UNC5C: variants seen among roughly 807,000 people sequenced by gnomAD.
UNC5C encodes netrin receptor UNC5C.
UNC5C carries 47 observed loss-of-function variants against 99.8 expected under a neutral mutation model. The observed-to-expected ratio is 0.47, with a 90% CI of 0.37 to 0.60. UNC5C has a LOEUF of 0.60. Among genes scored for constraint, UNC5C ranks in the 20% least tolerant of loss-of-function variants. The probability of loss-of-function intolerance (pLI) is 0.00; values close to 1 mark genes in which losing one functional copy is unlikely to be tolerated. For synonymous variants in UNC5C, 487 were observed against 452.2 expected (o/e 1.08, Z -0.98); for missense variants, 1,062 against 1,165.9 (o/e 0.91, Z 1.30).
At chr4:95,309,651 T>C (rs529063549) in intron 2 of UNC5C, among the ~76,000 whole-genome samples, 1 of 152,144 alleles carries the variant, frequency 6.6e-6, no homozygotes, top group Non-Finnish European at 1.5e-5. Context: ...AAAGAAGACA[T>C]ACAAATGGCC....
intron 1 of UNC5C, among the ~76,000 whole-genome samples, chr4:95,341,038 T>C (rs1743552954): frequency 1.3e-5 from 2 of 152,152 alleles, no homozygotes; most frequent in Admixed American, 1.3e-4. Context: ...TGCAATTGCA[T>C]ATATGGCTGG....
intron 1 of UNC5C, among the ~76,000 whole-genome samples, chr4:95,482,129 C>T (rs1397275502): frequency 3.9e-5 from 6 of 151,936 alleles, no homozygotes; most frequent in Non-Finnish European, 7.4e-5. Flanking sequence ...GGCTAATATC[C>T]AGAATCTACA....
At chr4:95,289,017 T>C (rs1036238669) in intron 3 of UNC5C, among the ~76,000 whole-genome samples, 1 of 152,224 alleles carries the variant, frequency 6.6e-6, no homozygotes, top group African/African-American at 2.4e-5. Context: ...TGCCATAGTT[T>C]AATCCTAGTT....
At chr4:95,332,215 A>C (rs973575677) in intron 2 of UNC5C, among the ~76,000 whole-genome samples, 5 of 152,022 alleles carry the variant, frequency 3.3e-5, no homozygotes, top group African/African-American at 1.2e-4. Context: ...AATTGGAAAA[A>C]ACTACTTTAA....
At chr4:95,375,799 C>G (rs564050570) in intron 1 of UNC5C, among the ~76,000 whole-genome samples, 2 of 152,054 alleles carry the variant, frequency 1.3e-5, no homozygotes, top group African/African-American at 4.8e-5. Context: ...CAGAATAGGC[C>G]GGGCGTGGTG....
intron 1 of UNC5C, among the ~76,000 whole-genome samples, chr4:95,406,201 A>T (rs1243144260): frequency 6.6e-6 from 1 of 152,118 alleles, no homozygotes; most frequent in East Asian, 1.9e-4. Flanking sequence ...CAATACCATG[A>T]CTTCTCACTT....
At chr4:95,188,251 C>G (rs1401942122) in intron 12 of UNC5C, among the ~76,000 whole-genome samples, 1 of 152,098 alleles carries the variant, frequency 6.6e-6, no homozygotes, top group Non-Finnish European at 1.5e-5. Context: ...ATTCAGTAAC[C>G]TTACCACACT....
chr4:95,498,435 T>A (rs1188906320), intron 1 of UNC5C, among the ~76,000 whole-genome samples: 2 of 152,112 alleles, frequency 1.3e-5, no homozygotes, highest in South Asian at 2.1e-4. Flanking sequence ...CTTTGACTAG[T>A]TGAAAAGTGT....
intron 1 of UNC5C, among the ~76,000 whole-genome samples, chr4:95,388,858 A>G (rs775311519): frequency 7.9e-5 from 12 of 152,188 alleles, no homozygotes; most frequent in Non-Finnish European, 1.8e-4. Flanking sequence ...TTTCTTTGCT[A>G]TACTGTCTCT....
At chr4:95,223,632 T>C (rs1332462666) in intron 7 of UNC5C, among the ~76,000 whole-genome samples, 1 of 152,220 alleles carries the variant, frequency 6.6e-6, no homozygotes, top group Non-Finnish European at 1.5e-5. Flanking sequence ...TGCAACCTCC[T>C]ACTCAGTTTT....
At chr4:95,318,785 A>T (rs1308237308) in intron 2 of UNC5C, among the ~76,000 whole-genome samples, 1 of 152,200 alleles carries the variant, frequency 6.6e-6, no homozygotes, top group Admixed American at 6.5e-5. Context: ...CTTCCCTCAG[A>T]AGGCTGCTAT....
intron 1 of UNC5C, among the ~76,000 whole-genome samples, chr4:95,529,196 T>G (rs931078435): frequency 6.6e-6 from 1 of 151,224 alleles, no homozygotes; most frequent in African/African-American, 2.4e-5. Context: ...AGAATTGGAT[T>G]CATCTCAGCT....
At chr4:95,368,300 A>AAAAG (rs1270477187) in intron 1 of UNC5C, among the ~76,000 whole-genome samples, 1 of 151,842 alleles carries the variant, frequency 6.6e-6, no homozygotes, top group Non-Finnish European at 1.5e-5. Context: ...CTTTTTTGAA[A>AAAAG]AAAAAAAAAA....
intron 1 of UNC5C, among the ~76,000 whole-genome samples, chr4:95,464,428 T>C (rs2149472172): frequency 6.6e-6 from 1 of 152,310 alleles, no homozygotes; most frequent in Middle Eastern, 3.4e-3. Context: ...TAGAGAAGTT[T>C]CCAAGCTTTA....
At chr4:95,468,682 C>T (rs80317948) in intron 1 of UNC5C, among the ~76,000 whole-genome samples, 2,262 of 152,202 alleles carry the variant, frequency 0.015, 46 homozygotes, top group African/African-American at 0.052. Context: ...TCTTCCATAT[C>T]ATTGACAATC....
At chr4:95,369,066 T>G (rs1362528048) in intron 1 of UNC5C, among the ~76,000 whole-genome samples, 1 of 151,846 alleles carries the variant, frequency 6.6e-6, no homozygotes, top group Non-Finnish European at 1.5e-5. Flanking sequence ...ACTATGTTGA[T>G]CAAACTGGTC....
chr4:95,189,084 T>A (rs749512105), intron 12 of UNC5C, among the ~76,000 whole-genome samples: 1 of 152,228 alleles, frequency 6.6e-6, no homozygotes, highest in Non-Finnish European at 1.5e-5. Flanking sequence ...AGAAATGCTA[T>A]AGTAAGGATG....
chr4:95,480,810 C>A (rs11934567), intron 1 of UNC5C, among the ~76,000 whole-genome samples: 3,335 of 151,952 alleles, frequency 0.022, 131 homozygotes, highest in African/African-American at 0.075. Flanking sequence ...ATTCAACAAC[C>A]ATTCATGCTA....
chr4:95,308,730 T>C (rs963181348), intron 2 of UNC5C, among the ~76,000 whole-genome samples: 4 of 106,454 alleles, frequency 3.8e-5, no homozygotes, highest in Non-Finnish European at 6.7e-5. Flanking sequence ...CCAGCCTGGC[T>C]GACAGAGTGA....
Sources: allele counts gnomAD v4.1 joint callset (sites outside exome capture counted in the v4.1 genomes callset), GRCh38; gene constraint gnomAD v4.1.1; transcripts MANE v1.5; gene names NCBI Gene and HGNC (gene_info 2026-07-23, HGNC 2026-07-21).